The following DNAH17 variants were observed in gnomAD, a reference collection of about 807,000 sequenced individuals.
DNAH17 encodes the protein dynein axonemal heavy chain 17, also known as axonemal beta dynein heavy chain 17.
DNAH17 carries 376 observed loss-of-function variants against 485.6 expected under a neutral mutation model. The ratio of observed to expected loss-of-function variants is 0.77; its 90% confidence interval spans 0.71 to 0.84. DNAH17 has a LOEUF of 0.84. Ranked by LOEUF, DNAH17 falls within the 40% of genes least tolerant of loss-of-function variation. The pLI is 0.00. For synonymous variants in DNAH17, 3,031 were observed against 2,405.9 expected, an observed-to-expected ratio of 1.26 and a Z score of -7.60; for missense variants, 6,370 against 5,839.3, an observed-to-expected ratio of 1.09 and a Z score of -2.96.
At chr17:78,493,026 CT>C (rs1568147400) in intron 41 of DNAH17, 1 of 293,792 alleles carries the variant, frequency 3.4e-6, no homozygotes, top group East Asian at 8.6e-5. Context: ...AATTTTTGTA[CT>C]TTTAGTAGAG....
rs772321626 is a variant in DNAH17, at chr17:78,451,584, G to A, written c.10619C>T (p.Pro3540Leu). 1.9e-6 allele frequency: 3 copies of A among 1,613,028 alleles called. No individual in the cohort carries two copies. The highest frequency in any genetic ancestry group is 1.3e-5 in the African/African-American group (1 of 74,850). The change falls in exon 66 of 81, where the codon CCA becomes CTA. Residue 3540 changes from proline to leucine, a missense_variant. By Grantham distance (98) the Pro-to-Leu change is moderately conservative. Transcript: ENST00000389840. ...HTKYFNPHYK[P>L]EMQAQCTLIN... ...GAGGGTGCACTGAGCCTGCATCTCTGGCTTGTAGTGTGGGTTGAAGTACTT... is the reference window on the plus strand; with the variant it reads ...GAGGGTGCACTGAGCCTGCATCTCTAGCTTGTAGTGTGGGTTGAAGTACTT...
intron 11 of DNAH17, among the ~76,000 whole-genome samples, chr17:78,563,043 C>T (rs904188169): frequency 2.0e-5 from 3 of 152,170 alleles, no homozygotes; most frequent in African/African-American, 7.2e-5. Flanking sequence ...GACCACTGTC[C>T]CTAGAAATGG....
intron 51 of DNAH17, 122 bp from the exon 52 acceptor site, chr17:78,476,855 G>T: frequency 8.2e-7 from 1 of 1,212,992 alleles, no homozygotes; most frequent in Non-Finnish European, 1.1e-6. Flanking sequence ...TCAGCTGTTG[G>T]CACAGCATTC....
rs368915603 is a variant in DNAH17, at chr17:78,530,501, G to T, written c.3126C>A (p.Tyr1042Ter). The T allele has an allele frequency of 1.6e-5, 25 of 1,604,716 alleles. No individual in the cohort carries two copies. Among genetic ancestry groups the T allele is most frequent in the South Asian group, 1.1e-5 (1 of 90,630 alleles). ...TGGACACCTCCTCATACAGCTTCTC[G>T]TAGGAGTCGATCTGGAAAACACGGC... ...LAQFQEQIDS[Y>*]EKLYEEVSKC... Residue 1042 changes from tyrosine to a stop codon, truncating the protein, a stop_gained, in exon 21 of 81, where the codon TAC becomes TAA. Transcript: ENST00000389840. LOFTEE classifies it high-confidence loss of function.
chr17:78,567,584 G>A (rs1342697703), intron 9 of DNAH17, among the ~76,000 whole-genome samples: 2 of 152,138 alleles, frequency 1.3e-5, no homozygotes, highest in Non-Finnish European at 2.9e-5. Context: ...CCCGCTACCT[G>A]GAAGACCATC....
intron 75 of DNAH17, among the ~76,000 whole-genome samples, chr17:78,430,265 T>C (rs1221565957): frequency 6.6e-6 from 1 of 152,164 alleles, no homozygotes; most frequent in Non-Finnish European, 1.5e-5. Flanking sequence ...ATTTTAAATT[T>C]TGTGGCAGCC....
intron 9 of DNAH17, among the ~76,000 whole-genome samples, chr17:78,568,270 G>C (rs1158522576): frequency 6.6e-6 from 1 of 152,138 alleles, no homozygotes; most frequent in Non-Finnish European, 1.5e-5. Flanking sequence ...CGGTCTGGGA[G>C]ATTTCAGGCA....
At chr17:78,526,139 G>A (rs1164362972) in intron 24 of DNAH17, among the ~76,000 whole-genome samples, 1 of 152,250 alleles carries the variant, frequency 6.6e-6, no homozygotes, top group Non-Finnish European at 1.5e-5. Flanking sequence ...GCCAGGTCCA[G>A]GGCTGTGTGA....
chr17:78,510,321 G>A, intron 27 of DNAH17, 63 bp downstream of exon 27: 2 of 1,589,670 alleles, frequency 1.3e-6, no homozygotes, highest in Non-Finnish European at 1.7e-6. Context: ...GCTCTCAGTG[G>A]TTGGAGGGGG....
chr17:78,428,777 G>A (rs890916480), intron 76 of DNAH17, 70 bp from the exon 77 acceptor site: 11 of 1,561,830 alleles, frequency 7.0e-6, no homozygotes, highest in Middle Eastern at 1.7e-4. Context: ...TGTTGGTTAA[G>A]CATTCCTTGC....
intron 38 of DNAH17, among the ~76,000 whole-genome samples, chr17:78,495,439 T>G (rs76114190): frequency 4.0e-5 from 1 of 24,744 alleles, no homozygotes; most frequent in East Asian, 2.6e-3. Context: ...CTGGGAGTGT[T>G]TTTTTTTTTT....
chr17:78,558,095 C>A lies in DNAH17; in HGVS notation c.2178+13G>T. The A allele has an allele frequency of 6.2e-7, 1 of 1,610,068 alleles. No homozygotes were observed. Among genetic ancestry groups the A allele is most frequent in the Non-Finnish European group, 8.5e-7 (1 of 1,178,044 alleles). On this transcript the variant is annotated intron_variant, in intron 14 of 80. Transcript: ENST00000389840. ...AAAGCTGCATCAGGAATAGTACCGA[C>A]TCACCAACTCACCTCATTATACCAG... is the stretch of plus-strand genomic sequence containing the variant.
chr17:78,473,766 C>T (rs765731424), intron 54 of DNAH17, among the ~76,000 whole-genome samples: 4 of 151,998 alleles, frequency 2.6e-5, no homozygotes, highest in African/African-American at 4.8e-5. Context: ...GAAACGATGC[C>T]GTCATGAACG....
In DNAH17 at chr17:78,495,938, A is replaced by G; in HGVS notation, c.5840T>C (p.Ile1947Thr). 1 of 1,613,978 alleles carries G rather than the reference A, an allele frequency of 6.2e-7. No individual in the cohort carries two copies. ...IGLIPTVGIF[I>T]TMNPGYAGRA... ...TCCGGCGTACCCAGGGTTCATGGTG[A>G]TGAAGATACCGACGGTGGGAATGAG... is the stretch of plus-strand genomic sequence containing the variant. The change falls in exon 38 of 81, where the codon ATC (isoleucine) becomes ACC (threonine). Residue 1947 changes from isoleucine to threonine, a missense_variant. Transcript: ENST00000389840.
At chr17:78,505,501 G>A (rs1159461967) in intron 30 of DNAH17, 56 bp from the exon 31 acceptor site, 18 of 1,610,668 alleles carry the variant, frequency 1.1e-5, no homozygotes, top group African/African-American at 4.0e-5. Context: ...AGGCATGTGC[G>A]TGGCTTGGGC....
At chr17:78,535,503 CA>C (rs1255195999) in intron 19 of DNAH17, among the ~76,000 whole-genome samples, 1 of 152,198 alleles carries the variant, frequency 6.6e-6, no homozygotes, top group Non-Finnish European at 1.5e-5. Flanking sequence ...CAAATACGCA[CA>C]CGGGCACATA....
chr17:78,522,294 G>T, intron 25 of DNAH17: 1 of 249,770 alleles, frequency 4.0e-6, no homozygotes, highest in South Asian at 4.4e-5. Context: ...CCTCCACTGA[G>T]AATGCAGACA....
intron 54 of DNAH17, among the ~76,000 whole-genome samples, chr17:78,471,920 G>T (rs1032263402): frequency 2.0e-5 from 3 of 152,148 alleles, no homozygotes; most frequent in African/African-American, 7.2e-5. Flanking sequence ...CTCATCCCCA[G>T]GTATCTCATC....
Position 78,445,635 on chromosome 17 carries a change from G to A in DNAH17, c.11257C>T (p.Leu3753Phe). 1 of 1,572,600 alleles carries A rather than the reference G, an allele frequency of 6.4e-7. No individual in the cohort carries two copies. The highest frequency in any genetic ancestry group is 8.6e-7 in the Non-Finnish European group (1 of 1,158,992). Reference protein sequence around the residue: ...KELNPVELDFLLRFPFKAGVV... With the variant: ...KELNPVELDFFLRFPFKAGVV... ...CCGGCCTTAAAAGGGAACCGCAGGAGGAAATCCAGCTCCACTGGGTTCAGC... is the reference window on the plus strand; with the variant it reads ...CCGGCCTTAAAAGGGAACCGCAGGAAGAAATCCAGCTCCACTGGGTTCAGC... Residue 3753 changes from leucine (L) to phenylalanine (F), a missense_variant, in exon 70 of 81, where the codon CTC (leucine) becomes TTC (phenylalanine). By Grantham distance (22) the Leu-to-Phe change is conservative. Coordinates refer to ENST00000389840, the MANE Select transcript of DNAH17 (RefSeq NM_173628.4).
Sources: gnomAD v4.1 joint callset for allele counts (sites outside exome capture counted in the v4.1 genomes callset) on GRCh38, gnomAD v4.1.1 for gene constraint, MANE v1.5 for transcripts, NCBI Gene and HGNC (gene_info 2026-07-23, HGNC 2026-07-21) for gene names.